The following ATP8A2 variants were observed in gnomAD, a reference collection of about 807,000 sequenced individuals.
The protein encoded by ATP8A2 is ATPase phospholipid transporting 8A2, also known as phospholipid-transporting ATPase IB.
In ATP8A2, 100 loss-of-function variants were observed where a neutral mutation model predicts 165.6. The ratio of observed to expected loss-of-function variants is 0.60; its 90% CI spans 0.51 to 0.71. The LOEUF is 0.71. ATP8A2 is among the 30% of genes least tolerant of loss of function. The probability of loss-of-function intolerance (pLI) is 0.00; values close to 1 mark genes in which losing one functional copy is unlikely to be tolerated. For synonymous variants in ATP8A2, 543 were observed against 548.8 expected (o/e 0.99, Z 0.15); for missense variants, 1,227 against 1,479.5 (o/e 0.83, Z 2.80).
intron 23 of ATP8A2, among the ~76,000 whole-genome samples, chr13:25,589,097 A>C (rs1034268877): frequency 6.6e-6 from 1 of 152,074 alleles, no homozygotes; most frequent in Non-Finnish European, 1.5e-5. Context: ...TTTCGTTCCA[A>C]ATAAGCCTTT....
chr13:25,946,996 C>T (rs1296869101), intron 33 of ATP8A2, among the ~76,000 whole-genome samples: 1 of 152,174 alleles, frequency 6.6e-6, no homozygotes, highest in Non-Finnish European at 1.5e-5. Context: ...GATCCACCCA[C>T]CTCGGCCTCC....
intron 2 of ATP8A2, among the ~76,000 whole-genome samples, chr13:25,495,665 C>CTATGT (rs1439229661): frequency 7.6e-6 from 1 of 131,994 alleles, no homozygotes; most frequent in African/African-American, 2.8e-5. Flanking sequence ...TGGGGTCTCA[C>CTATGT]TATGTTGCTC....
chr13:25,510,963 A>T (rs1009412384), intron 2 of ATP8A2, among the ~76,000 whole-genome samples: 4 of 152,278 alleles, frequency 2.6e-5, no homozygotes, highest in African/African-American at 9.6e-5. Flanking sequence ...CCTCTCTCCC[A>T]TCCCAGTCCT....
intron 10 of ATP8A2, among the ~76,000 whole-genome samples, chr13:25,547,055 A>C (rs1299674163): frequency 6.6e-6 from 1 of 152,096 alleles, no homozygotes; most frequent in Non-Finnish European, 1.5e-5. Flanking sequence ...GCCTGAACCC[A>C]GGAGGCAGAG....
chr13:25,925,779 G>A (rs988673344), intron 33 of ATP8A2, among the ~76,000 whole-genome samples: 7 of 150,308 alleles, frequency 4.7e-5, no homozygotes, highest in African/African-American at 1.2e-4. Flanking sequence ...CCAGGCAGGA[G>A]TGCAATGGCA....
intron 1 of ATP8A2, among the ~76,000 whole-genome samples, chr13:25,396,041 A>G (rs1374107929): frequency 6.6e-6 from 1 of 152,036 alleles, no homozygotes; most frequent in Non-Finnish European, 1.5e-5. Flanking sequence ...AGGGGGTTTC[A>G]CCATGTTGGC....
In ATP8A2 at chr13:25,383,801, C is replaced by G. The variant is rs11841596; in HGVS notation, c.76+11513C>G. ...CTTCTCCATAGTGACCCTCTCCAAACAAAAAGAAGGCAAAAACCTTGGCAC... is the reference window on the plus strand; with the variant it reads ...CTTCTCCATAGTGACCCTCTCCAAAGAAAAAGAAGGCAAAAACCTTGGCAC... On this transcript the variant is annotated intron_variant, in intron 1 of 36. Coordinates refer to ENST00000381655, the MANE Select transcript of ATP8A2 (RefSeq NM_016529.6). 8.4e-3 allele frequency among the ~76,000 whole-genome samples: 1,272 copies of G among 152,234 alleles called. 21 individuals are homozygous for G. Among genetic ancestry groups the G allele is most frequent in the African/African-American group, 0.029 (1,208 of 41,532 alleles).
At chr13:26,008,850 T>C (rs1358342688) in intron 35 of ATP8A2, among the ~76,000 whole-genome samples, 2 of 152,204 alleles carry the variant, frequency 1.3e-5, no homozygotes, top group Non-Finnish European at 2.9e-5. Context: ...TTTTCTAACT[T>C]TTGACCTTGT....
At chr13:25,716,845 A>AT (rs1369756322) in intron 25 of ATP8A2, among the ~76,000 whole-genome samples, 1 of 152,210 alleles carries the variant, frequency 6.6e-6, no homozygotes, top group Non-Finnish European at 1.5e-5. Context: ...AGGAAAAAGA[A>AT]GCAAATGCAG....
At chr13:25,965,233 G>C (rs1955752419) in intron 34 of ATP8A2, among the ~76,000 whole-genome samples, 1 of 152,198 alleles carries the variant, frequency 6.6e-6, no homozygotes, top group Non-Finnish European at 1.5e-5. Flanking sequence ...GAGCACTGAA[G>C]AAAGTGAGTT....
chr13:25,581,724 C>T (rs1190542230), intron 22 of ATP8A2, 95 bp from the exon 23 acceptor site: 2 of 1,193,864 alleles, frequency 1.7e-6, no homozygotes, highest in Non-Finnish European at 2.5e-6. Flanking sequence ...GAACAACTGT[C>T]TCAGAACCGT....
At chr13:25,989,707 G>A (rs1259252638) in intron 35 of ATP8A2, among the ~76,000 whole-genome samples, 2 of 151,928 alleles carry the variant, frequency 1.3e-5, no homozygotes, top group Non-Finnish European at 2.9e-5. Flanking sequence ...ACACTTTAAA[G>A]TTGATCTATA....
Position 25,653,853 on chromosome 13 carries a change from A to G in ATP8A2, c.2212-45320A>G, listed in dbSNP as rs535255171. ...TAAGCATATGAGCTAAGGTAGACTT[A>G]CTCAGGATAGAGGGTAAGGGTTAGC... is the stretch of plus-strand genomic sequence containing the variant. On this transcript the variant is annotated intron_variant, in intron 24 of 36. Transcript: ENST00000381655. 2.3e-3 allele frequency among the ~76,000 whole-genome samples: 348 copies of G among 152,240 alleles called. 3 individuals are homozygous for G. The highest frequency in any genetic ancestry group is 8.1e-3 in the African/African-American group (338 of 41,552).
At position 25,664,394 on chromosome 13, in the gene ATP8A2, C is replaced by G. The variant is rs531288525; in HGVS notation, c.2212-34779C>G. ...ATCATTTCCTTCCTCACCCACGCCT[C>G]TTCTGGAGTGGGCAGTTGGTCACAT... On this transcript the variant is annotated intron_variant, in intron 24 of 36. Transcript: ENST00000381655. 2.6e-5 allele frequency among the ~76,000 whole-genome samples: 4 copies of G among 152,286 alleles called. No individual in the cohort carries two copies. In the South Asian group the frequency reaches 8.3e-4, roughly 32 times the overall value.
chr13:25,506,629 G>A (rs773516355), intron 2 of ATP8A2, among the ~76,000 whole-genome samples: 16 of 152,202 alleles, frequency 1.1e-4, no homozygotes, highest in Non-Finnish European at 2.2e-4. Flanking sequence ...GGATCGAGGT[G>A]CCCAGTTCTC....
chr13:25,784,678 G>A (rs759099502), intron 27 of ATP8A2, among the ~76,000 whole-genome samples: 9 of 152,046 alleles, frequency 5.9e-5, no homozygotes, highest in Admixed American at 1.3e-4. Flanking sequence ...TTCCTTTTAG[G>A]AAATGCTTTT....
chr13:25,795,342 T>G (rs1400751150), intron 27 of ATP8A2, among the ~76,000 whole-genome samples: 1 of 152,198 alleles, frequency 6.6e-6, no homozygotes, highest in Non-Finnish European at 1.5e-5. Context: ...ATATGAATAT[T>G]ATAGTAAATA....
At chr13:25,661,534 T>C (rs1005297020) in intron 24 of ATP8A2, among the ~76,000 whole-genome samples, 1 of 152,320 alleles carries the variant, frequency 6.6e-6, no homozygotes. Flanking sequence ...ATCTCAAATA[T>C]ATACTTAATA....
In ATP8A2 at chr13:25,952,382, TTC is replaced by T. The variant is rs772913573; in HGVS notation, c.3184-9191_3184-9190del. 5.0e-4 allele frequency among the ~76,000 whole-genome samples: 37 copies of T among 73,346 alleles called. 1 individual carries two copies. The highest frequency in any genetic ancestry group is 9.9e-4 in the Non-Finnish European group (32 of 32,482). The allele number at this position is 73,346 out of a possible 152,430, so 48.1% of individuals were successfully genotyped here. The stretch of plus-strand genomic sequence containing the variant: ...ATCTGGCCATGGTATTTTCTTTTTC[TTC>T]TTTTTTTTTTTGCTCCCAGATAGGG... On this transcript the variant is annotated intron_variant, in intron 33 of 36. Transcript: ENST00000381655.
Sources: gnomAD v4.1 joint callset for allele counts (sites outside exome capture counted in the v4.1 genomes callset) on GRCh38, gnomAD v4.1.1 for gene constraint, MANE v1.5 for transcripts, NCBI Gene and HGNC (gene_info 2026-07-23, HGNC 2026-07-21) for gene names.